SLC19A1: variants seen among roughly 807,000 people sequenced by gnomAD.
The protein encoded by SLC19A1 is solute carrier family 19 member 1.
SLC19A1 carries 37 observed loss-of-function variants against 35.3 expected under a neutral mutation model. The ratio of observed to expected loss-of-function variants is 1.05; its 90% CI spans 0.81 to 1.38. The LOEUF is 1.38. Ranked by LOEUF, SLC19A1 falls within the 40% of genes most tolerant of loss-of-function variation. SLC19A1 has a pLI of 0.00. For synonymous variants in SLC19A1, 460 were observed against 398.5 expected (o/e 1.15, Z -1.84); for missense variants, 831 against 826.9 (o/e 1.00, Z -0.06).
rs1006542550 is a variant in SLC19A1 at position 45,534,357 on chromosome 21, G to A, written c.190-2209C>T. Reference sequence around the variant, plus strand: ...GGCAGGGGTCCTCCTAGGACCTCAGGGACCCCCGACCCCCAGACACAGGAG... The same window carrying A: ...GGCAGGGGTCCTCCTAGGACCTCAGAGACCCCCGACCCCCAGACACAGGAG... On this transcript the variant is annotated intron_variant, in intron 2 of 5. Transcript: ENST00000311124. The surrounding 1 kb of genome is among the most constrained non-coding windows in gnomAD (Gnocchi z 4.2). 1.7e-4 allele frequency among the ~76,000 whole-genome samples: 26 copies of A among 152,264 alleles called. No homozygotes were observed. Among genetic ancestry groups the A allele is most frequent in the African/African-American group, 6.0e-4 (25 of 41,558 alleles).
chr21:45,548,943 T>G (rs905607756), upstream of SLC19A1, among the ~76,000 whole-genome samples: 10 of 152,208 alleles, frequency 6.6e-5, no homozygotes, highest in African/African-American at 2.4e-4. Flanking sequence ...TATGGGGATG[T>G]GAAATGTTAC....
In SLC19A1 at chr21:45,514,882, A is replaced by T; in HGVS notation, c.*776T>A. On this transcript the variant is annotated 3_prime_UTR_variant, in exon 6 of 6. Transcript: ENST00000311124. ...CCCCCAAGGCTGCCCAGCCCAGGCA[A>T]GCCTGGCACATACCAAGGCCAGCAC... is the stretch of plus-strand genomic sequence containing the variant. 1 of 999,624 alleles carries T rather than the reference A, an allele frequency of 1.0e-6. No homozygotes were observed. Among genetic ancestry groups the T allele is most frequent in the Non-Finnish European group, 1.4e-6 (1 of 716,614 alleles). 61.9% of individuals were successfully genotyped at this position (999,624 alleles called of 1,614,324 possible). A position where few individuals can be genotyped will look rare whatever the true frequency, so the allele number is the denominator to read the frequency against.
downstream of SLC19A1, among the ~76,000 whole-genome samples, chr21:45,509,874 G>A (rs1037457545): frequency 2.0e-4 from 30 of 152,194 alleles, no homozygotes; most frequent in Admixed American, 4.6e-4. Flanking sequence ...CACGTGGCCC[G>A]GGGCTGCTCT....
At chr21:45,507,981 G>A (rs1354266616), downstream of SLC19A1, among the ~76,000 whole-genome samples, 1 of 152,230 alleles carries the variant, frequency 6.6e-6, no homozygotes, top group Non-Finnish European at 1.5e-5. Flanking sequence ...GACTGGGTGG[G>A]TGAATCAATG....
rs748109875 is a variant in SLC19A1, at chr21:45,505,449, C to T, written c.498-6837G>A. ...CCTCAGGGGTAAGTGTCTGGGCAGC[C>T]GGCTGGGCACCTGCGTCCCGTGCCC... On this transcript the variant is annotated intron_variant, in intron 3 of 4. Transcript: ENST00000417954. 31 of 1,417,236 alleles carry T rather than the reference C, an allele frequency of 2.2e-5. No individual in the cohort carries two copies. The highest frequency in any genetic ancestry group is 5.7e-5 in the Admixed American group (3 of 52,318). 87.8% of individuals were successfully genotyped at this position (1,417,236 alleles called of 1,614,324 possible).
Position 45,530,386 on chromosome 21 carries a change from G to A in SLC19A1, c.1151+384C>T, listed in dbSNP as rs139940338. Among the ~76,000 whole-genome samples, 496 of 151,846 alleles carry A rather than the reference G, an allele frequency of 3.3e-3. 1 individual carries two copies. The highest frequency in any genetic ancestry group is 0.012 in the African/African-American group (478 of 41,320). On this transcript the variant is annotated intron_variant, in intron 4 of 5. Coordinates refer to ENST00000311124, the MANE Select transcript of SLC19A1 (RefSeq NM_194255.4). The surrounding 1 kb of genome is among the most constrained non-coding windows in gnomAD (Gnocchi z 5.3). ...AGTGTGTGTGTGTCCATGTGTGAGC[G>A]TGTGGTGTGTGTGTGGTGTGAGTGC...
At chr21:45,539,813 T>G (rs1475190207) in intron 1 of SLC19A1, among the ~76,000 whole-genome samples, 1 of 152,072 alleles carries the variant, frequency 6.6e-6, no homozygotes, top group Admixed American at 6.5e-5. Flanking sequence ...AGGCAGAGGC[T>G]GGTGGGCTTG....
chr21:45,530,848 T>A lies in SLC19A1; in HGVS notation c.1073A>T (p.His358Leu). Residue 358 changes from histidine (H) to leucine (L), a missense_variant, in exon 4 of 6, where the codon CAC becomes CTC. His to Leu is a moderately conservative substitution (Grantham distance 99, BLOSUM62 -3). Transcript: ENST00000311124. This position sits in a 1 kb window ranked among gnomAD's most constrained non-coding sequence, Gnocchi z 5.3. ...GLVFLLAHTR[H>L]PSSIWLCYAA... Reference sequence around the variant, plus strand: ...ATAGCACAGCCAGATGCTGCTCGGGTGGCGCGTGTGCGCCAGAAGGAAGAC... The same window carrying A: ...ATAGCACAGCCAGATGCTGCTCGGGAGGCGCGTGTGCGCCAGAAGGAAGAC... 1 of 1,508,352 alleles carries A rather than the reference T, an allele frequency of 6.6e-7. No homozygotes were observed. Among genetic ancestry groups the A allele is most frequent in the East Asian group, 2.5e-5 (1 of 39,606 alleles). 93.4% of individuals were successfully genotyped at this position (1,508,352 alleles called of 1,614,324 possible).
chr21:45,519,473 T>C (rs975874862), intron 5 of SLC19A1, among the ~76,000 whole-genome samples: 4 of 149,600 alleles, frequency 2.7e-5, no homozygotes, highest in East Asian at 1.9e-4. Context: ...GATAGGAAGG[T>C]TGAAAGTAAA....
chr21:45,530,914 T>TTTTTTAA lies in SLC19A1; in HGVS notation c.1006_1007insTTAAAAA (p.Lys336IlefsTer60). ...GGCCGTGACGCCCGCGATGAGCAGC[T>TTTTTTAA]TGGACCAGCGCGCCCAGCGGATCTT... On this transcript the variant is annotated frameshift_variant, in exon 4 of 6. Transcript: ENST00000311124. LOFTEE classifies it high-confidence loss of function. This position sits in a 1 kb window ranked among gnomAD's most constrained non-coding sequence, Gnocchi z 5.3. The TTTTTTAA allele has an allele frequency of 6.8e-7, 1 of 1,468,522 alleles. No homozygotes were observed. Among genetic ancestry groups the TTTTTTAA allele is most frequent in the South Asian group, 1.4e-5 (1 of 71,636 alleles). 91.0% of individuals were successfully genotyped at this position (1,468,522 alleles called of 1,614,324 possible).
intron 3 of SLC19A1, chr21:45,506,256 C>G: frequency 2.3e-6 from 1 of 444,190 alleles, no homozygotes; most frequent in Non-Finnish European, 4.2e-6. Context: ...TGTCACCTCA[C>G]ACACCCGATA....
At chr21:45,527,235 G>C (rs1316843118) in intron 4 of SLC19A1, among the ~76,000 whole-genome samples, 1 of 147,128 alleles carries the variant, frequency 6.8e-6, no homozygotes, top group East Asian at 2.1e-4. Context: ...AGTGGCAATT[G>C]GGGGGGAGGG....
rs752692928 is a variant in SLC19A1 at position 45,531,016 on chromosome 21, CG to C, written c.950-46del. On this transcript the variant is annotated intron_variant, in intron 3 of 5. Coordinates refer to ENST00000311124, the MANE Select transcript of SLC19A1 (RefSeq NM_194255.4). ...GCGTTGCAGCGGCCCTGGGGGGCCACGGGGCAGGGGGAGGTAGCGGGAGCTT... is the reference window on the plus strand; with the variant it reads ...GCGTTGCAGCGGCCCTGGGGGGCCACGGGCAGGGGGAGGTAGCGGGAGCTT... The C allele has an allele frequency of 5.1e-5, 13 of 253,296 alleles. No individual in the cohort carries two copies. In the South Asian group the frequency reaches 9.1e-4, roughly 18 times the overall value. The allele number at this position is 253,296 out of a possible 1,614,324, so 15.7% of individuals were successfully genotyped here. A position where few individuals can be genotyped will look rare whatever the true frequency, so the allele number is the denominator to read the frequency against.
At chr21:45,516,497 G>A (rs181351900) in intron 5 of SLC19A1, among the ~76,000 whole-genome samples, 1 of 152,218 alleles carries the variant, frequency 6.6e-6, no homozygotes, top group Non-Finnish European at 1.5e-5. Context: ...TGCCCATGAG[G>A]GCCAGAACGT....
intron 3 of SLC19A1, chr21:45,505,083 CCA>C: frequency 6.3e-7 from 1 of 1,589,648 alleles, no homozygotes; most frequent in Non-Finnish European, 8.5e-7. Context: ...TTGCCCGCCC[CCA>C]GTCCAGGGCA....
intron 3 of SLC19A1, chr21:45,506,006 G>T (rs1300989905): frequency 6.2e-7 from 1 of 1,612,262 alleles, no homozygotes; most frequent in Admixed American, 1.7e-5. Context: ...CCGTGGAAGG[G>T]CCGAAGCCGC....
At chr21:45,505,373 GCCCTCCGGGC>G in intron 3 of SLC19A1, 1 of 1,594,498 alleles carries the variant, frequency 6.3e-7, no homozygotes, top group Non-Finnish European at 8.6e-7. Context: ...AGCGTTCCCG[GCCCTCCGGGC>G]CCCCCTGGGC....
In SLC19A1 at chr21:45,513,523, CCT is replaced by C. The variant is rs1177685079; in HGVS notation, c.*2133_*2134del. 1.4e-5 allele frequency: 2 copies of C among 146,814 alleles called. No individual in the cohort carries two copies. The highest frequency in any genetic ancestry group is 2.6e-5 in the African/African-American group (1 of 38,434). 9.1% of individuals were successfully genotyped at this position (146,814 alleles called of 1,614,324 possible). ...AGGTCCTCTGTCAGTCACAGCCACC[CCT>C]GAGATCCGGCAACATCAACCCGAGT... is the stretch of plus-strand genomic sequence containing the variant. On this transcript the variant is annotated 3_prime_UTR_variant, in exon 6 of 6. Transcript: ENST00000311124.
At chr21:45,508,202 GTGAGTGTATGAA>G (rs1268094297), downstream of SLC19A1, among the ~76,000 whole-genome samples, 2 of 150,164 alleles carry the variant, frequency 1.3e-5, no homozygotes, top group Non-Finnish European at 3.0e-5. Context: ...GGACAGGTGG[GTGAGTGTATGAA>G]TGGGTGGGTG....
Sources: allele counts gnomAD v4.1 joint callset (sites outside exome capture counted in the v4.1 genomes callset), GRCh38; gene constraint gnomAD v4.1.1; non-coding constraint Gnocchi (gnomAD v3.1); transcripts MANE v1.5; gene names NCBI Gene and HGNC (gene_info 2026-07-23, HGNC 2026-07-21).